Variants in B4GALT5 observed in about 807,000 individuals in gnomAD.
B4GALT5 encodes the protein beta-1,4-galactosyltransferase 5.
In B4GALT5, 11 loss-of-function variants were observed where a neutral mutation model predicts 45.0. That is an observed-to-expected ratio of 0.24 (90% confidence interval 0.15 to 0.40). B4GALT5 has a LOEUF of 0.40. B4GALT5 is among the 10% of genes least tolerant of loss of function. B4GALT5 has a pLI of 1.00. For synonymous variants in B4GALT5, 185 were observed against 182.9 expected, an observed-to-expected ratio of 1.01 and a Z score of -0.09; for missense variants, 337 against 500.2, an observed-to-expected ratio of 0.67 and a Z score of 3.11.
At chr20:49,700,591 C>A (rs1256032085) in intron 1 of B4GALT5, among the ~76,000 whole-genome samples, 2 of 152,208 alleles carry the variant, frequency 1.3e-5, no homozygotes, top group Non-Finnish European at 1.5e-5. Flanking sequence ...TGAGCCACCA[C>A]ACCTGGCCAT....
intron 1 of B4GALT5, among the ~76,000 whole-genome samples, chr20:49,700,630 A>G (rs2085857757): frequency 6.6e-6 from 1 of 152,230 alleles, no homozygotes; most frequent in Non-Finnish European, 1.5e-5. Context: ...TATTACAAAT[A>G]ATAAAATTAA....
intron 2 of B4GALT5, among the ~76,000 whole-genome samples, chr20:49,653,777 G>T (rs557394778): frequency 1.3e-5 from 2 of 152,222 alleles, no homozygotes; most frequent in African/African-American, 4.8e-5. Context: ...AAAATAGATT[G>T]TTCTAACCAG....
At chr20:49,683,385 ATTTTTTTTT>A (rs66503719) in intron 1 of B4GALT5, among the ~76,000 whole-genome samples, 87 of 96,644 alleles carry the variant, frequency 9.0e-4, no homozygotes, top group African/African-American at 3.4e-3. Context: ...ACAGGTTTAA[ATTTTTTTTT>A]TTTTTTTTTT....
At chr20:49,668,474 TC>T (rs2085701534) in intron 1 of B4GALT5, among the ~76,000 whole-genome samples, 1 of 151,670 alleles carries the variant, frequency 6.6e-6, no homozygotes, top group South Asian at 2.1e-4. Context: ...AGTACCAATA[TC>T]CACATGCACA....
In B4GALT5 at chr20:49,713,821, T is replaced by TCGC. The variant is rs1036220837; in HGVS notation, c.-134_-132dup. On this transcript the variant is annotated 5_prime_UTR_variant, in exon 1 of 9. Transcript: ENST00000371711. ...CCTCCCGGGCCTCGCGGGCCGCCACTCGCCGCCGCCGCCGCCTCGCCGCTC... is the reference window on the plus strand; with the variant it reads ...CCTCCCGGGCCTCGCGGGCCGCCACTCGCCGCCGCCGCCGCCGCCTCGCCGCTC... The TCGC allele has an allele frequency of 7.6e-4, 117 of 154,600 alleles. 1 individual carries two copies. The highest frequency in any genetic ancestry group is 1.1e-3 in the Non-Finnish European group (83 of 73,126). The allele number at this position is 154,600 out of a possible 1,614,324, so 9.6% of individuals were successfully genotyped here. A position where few individuals can be genotyped will look rare whatever the true frequency, so the allele number is the denominator to read the frequency against.
intron 1 of B4GALT5, among the ~76,000 whole-genome samples, chr20:49,698,816 T>C (rs893572478): frequency 1.3e-5 from 2 of 152,114 alleles, no homozygotes; most frequent in Non-Finnish European, 2.9e-5. Context: ...ATCTCAGCAA[T>C]AGAGGCAAGG....
chr20:49,673,293 T>C (rs6019965), intron 1 of B4GALT5, among the ~76,000 whole-genome samples: 1,884 of 151,822 alleles, frequency 0.012, 39 homozygotes, highest in African/African-American at 0.043. Flanking sequence ...GACAGGAGAA[T>C]CGCTTGAACC....
intron 1 of B4GALT5, among the ~76,000 whole-genome samples, chr20:49,673,142 G>A (rs1419591430): frequency 6.6e-6 from 1 of 152,214 alleles, no homozygotes; most frequent in African/African-American, 2.4e-5. Flanking sequence ...AGCACTTTGG[G>A]AAGCCGAGGC....
At chr20:49,713,300 G>A (rs1026103393) in intron 1 of B4GALT5, among the ~76,000 whole-genome samples, 6 of 152,070 alleles carry the variant, frequency 3.9e-5, no homozygotes, top group Middle Eastern at 3.4e-3. Context: ...CCGGAGCAAG[G>A]GGCGGGCGTG....
chr20:49,639,891 T>C (rs771074992), intron 6 of B4GALT5, 91 bp from the exon 7 acceptor site: 8 of 1,522,756 alleles, frequency 5.3e-6, no homozygotes, highest in Non-Finnish European at 7.1e-6. Context: ...AAAACAGTGC[T>C]CTCTGTGCTC....
intron 1 of B4GALT5, among the ~76,000 whole-genome samples, chr20:49,683,948 C>G (rs1243264175): frequency 6.6e-6 from 1 of 150,972 alleles, no homozygotes; most frequent in Non-Finnish European, 1.5e-5. Context: ...TGAGACCAGC[C>G]TGGCCAACAT....
rs16994756 is a variant in B4GALT5 at position 49,637,459 on chromosome 20, G to T, written c.918-17C>A. Reference sequence around the variant, plus strand: ...TTCTGTACTCTGTCCAAGACCAAGAGAACAGGCTTTTAGATACAACGGTAA... The same window carrying T: ...TTCTGTACTCTGTCCAAGACCAAGATAACAGGCTTTTAGATACAACGGTAA... On this transcript the variant is annotated splice_polypyrimidine_tract_variant and intron_variant, in intron 7 of 8. Coordinates refer to ENST00000371711, the MANE Select transcript of B4GALT5 (RefSeq NM_004776.4). 3.6e-3 allele frequency: 5,689 copies of T among 1,598,254 alleles called. 183 individuals carry two copies. In the African/African-American group the frequency reaches 0.07, roughly 20 times the overall value.
At chr20:49,672,890 T>G (rs1352899738) in intron 1 of B4GALT5, among the ~76,000 whole-genome samples, 3 of 152,106 alleles carry the variant, frequency 2.0e-5, no homozygotes, top group Non-Finnish European at 1.5e-5. Flanking sequence ...AAAAACAAAT[T>G]CTTCCCACAG....
chr20:49,663,728 T>TATA (rs2085677144), intron 1 of B4GALT5, among the ~76,000 whole-genome samples: 1 of 112,690 alleles, frequency 8.9e-6, no homozygotes, highest in African/African-American at 3.3e-5. Flanking sequence ...TATATATATA[T>TATA]GAAAAATGGG....
At chr20:49,656,465 CT>C in intron 2 of B4GALT5, 102 bp downstream of exon 2, 5 of 1,462,324 alleles carry the variant, frequency 3.4e-6, no homozygotes, top group Non-Finnish European at 4.7e-6. Flanking sequence ...CCAAATCCCT[CT>C]TTTACAATGC....
intron 1 of B4GALT5, among the ~76,000 whole-genome samples, chr20:49,697,186 A>G (rs1290162528): frequency 6.6e-6 from 1 of 152,244 alleles, no homozygotes; most frequent in Non-Finnish European, 1.5e-5. Context: ...ACAGAGTCTC[A>G]GAAGACAAGG....
At position 49,635,388 on chromosome 20, in the gene B4GALT5, T is replaced by C. The variant is rs560511457; in HGVS notation, c.*924A>G. ...CTTAGCGGAGAGTGGGATGAGCACA[T>C]GCGCGGCCGACAGGGAAGAGTGAAT... On this transcript the variant is annotated 3_prime_UTR_variant, in exon 9 of 9. Transcript: ENST00000371711. The C allele has an allele frequency of 1.2e-3, 186 of 151,650 alleles. No individual in the cohort carries two copies. Among genetic ancestry groups the C allele is most frequent in the Non-Finnish European group, 2.3e-3 (157 of 67,920 alleles). 9.4% of individuals were successfully genotyped at this position (151,650 alleles called of 1,614,324 possible).
chr20:49,644,008 A>C (rs2085588518), intron 3 of B4GALT5, among the ~76,000 whole-genome samples: 1 of 136,548 alleles, frequency 7.3e-6, no homozygotes, highest in African/African-American at 2.8e-5. Flanking sequence ...AGCTCACTGC[A>C]ACCTCTGCCT....
intron 6 of B4GALT5, among the ~76,000 whole-genome samples, 181 bp from the exon 7 acceptor site, chr20:49,639,981 A>G (rs2085569146): frequency 6.6e-6 from 1 of 152,242 alleles, no homozygotes; most frequent in Non-Finnish European, 1.5e-5. Context: ...AGTGAGATAT[A>G]ATTGACATAC....
Sources: gnomAD v4.1 joint callset for allele counts (sites outside exome capture counted in the v4.1 genomes callset) on GRCh38, gnomAD v4.1.1 for gene constraint, MANE v1.5 for transcripts, NCBI Gene and HGNC (gene_info 2026-07-23, HGNC 2026-07-21) for gene names.